Variants in ALPK1 observed in about 807,000 individuals in gnomAD.
The protein encoded by ALPK1 is alpha-protein kinase 1.
ALPK1 carries 110 observed loss-of-function variants against 120.6 expected under a neutral mutation model. That is an observed-to-expected ratio of 0.91 (90% confidence interval 0.78 to 1.07). The LOEUF is 1.07. ALPK1 is among the 50% of genes least tolerant of loss of function. The pLI, the probability that ALPK1 is intolerant of heterozygous loss-of-function variation, is 0.00. For missense variants in ALPK1, 1,498 were observed against 1,483.9 expected, an observed-to-expected ratio of 1.01 and a Z score of -0.16; for synonymous variants, 582 against 560.3, an observed-to-expected ratio of 1.04 and a Z score of -0.55.
At chr4:112,374,013 G>A (rs1731537486) in intron 2 of ALPK1, among the ~76,000 whole-genome samples, 1 of 152,172 alleles carries the variant, frequency 6.6e-6, no homozygotes, top group East Asian at 1.9e-4. Flanking sequence ...AGTGGCTGTG[G>A]CAATTTCTTA....
At chr4:112,298,338 T>C (rs1336124327) in intron 1 of ALPK1, among the ~76,000 whole-genome samples, 1 of 152,066 alleles carries the variant, frequency 6.6e-6, no homozygotes, top group East Asian at 1.9e-4. Context: ...ACAATATCCA[T>C]TTAATTTGGG....
intron 4 of ALPK1, among the ~76,000 whole-genome samples, chr4:112,404,025 C>T (rs1056831962): frequency 2.0e-5 from 3 of 152,258 alleles, no homozygotes; most frequent in Non-Finnish European, 4.4e-5. Flanking sequence ...TTAGAAGGCC[C>T]CCTTTCAAGA....
chr4:112,437,261 T>G (rs955257680), intron 12 of ALPK1, among the ~76,000 whole-genome samples: 2 of 147,374 alleles, frequency 1.4e-5, no homozygotes, highest in African/African-American at 4.9e-5. Flanking sequence ...TTAGTGCAAC[T>G]CTCTTTTATG....
intron 2 of ALPK1, among the ~76,000 whole-genome samples, chr4:112,366,140 G>A (rs901574867): frequency 6.6e-6 from 1 of 152,036 alleles, no homozygotes; most frequent in African/African-American, 2.4e-5. Flanking sequence ...ACTAGACATT[G>A]GCTCAGGCAA....
intron 2 of ALPK1, among the ~76,000 whole-genome samples, chr4:112,350,093 T>C (rs1256181889): frequency 6.6e-6 from 1 of 152,192 alleles, no homozygotes; most frequent in Non-Finnish European, 1.5e-5. Flanking sequence ...TTATTGATAA[T>C]CAAGACAGTG....
Position 112,435,259 on chromosome 4 carries a change from C to G in ALPK1, c.3146C>G (p.Ala1049Gly). The change falls in exon 12 of 16, where the codon GCT becomes GGT. Residue 1049 changes from alanine (A) to glycine (G), a missense_variant. Coordinates refer to ENST00000650871, the MANE Select transcript of ALPK1 (RefSeq NM_025144.4). ...TVKKKGRQRN[A>G]FWVHHLHQEE... is the part of the protein sequence containing the mutation. Reference sequence around the variant, plus strand: ...AAGAAAAAAGGCAGACAAAGAAATGCTTTTTGGGTTCATCATCTTCATCAA... The same window carrying G: ...AAGAAAAAAGGCAGACAAAGAAATGGTTTTTGGGTTCATCATCTTCATCAA... The G allele has an allele frequency of 6.2e-7, 1 of 1,612,628 alleles. No individual in the cohort carries two copies. The highest frequency in any genetic ancestry group is 8.5e-7 in the Non-Finnish European group (1 of 1,179,622).
At chr4:112,402,561 A>G (rs746754767) in intron 4 of ALPK1, among the ~76,000 whole-genome samples, 1 of 152,208 alleles carries the variant, frequency 6.6e-6, no homozygotes, top group Non-Finnish European at 1.5e-5. Flanking sequence ...CCTTAAACAC[A>G]ATTAGAACCC....
At chr4:112,428,312 C>G (rs555130933) in intron 9 of ALPK1, among the ~76,000 whole-genome samples, 3 of 152,328 alleles carry the variant, frequency 2.0e-5, no homozygotes, top group African/African-American at 7.2e-5. Flanking sequence ...CAAGGATGTT[C>G]TGCTGCTCTT....
chr4:112,334,572 G>A (rs148046886), intron 2 of ALPK1, among the ~76,000 whole-genome samples: 2,754 of 152,252 alleles, frequency 0.018, 49 homozygotes, highest in Middle Eastern at 0.034. Context: ...ATACTATGGG[G>A]ATATCAAATT....
Position 112,431,277 on chromosome 4 carries a change from G to A in ALPK1, c.1730G>A (p.Ser577Asn). Residue 577 changes from serine to asparagine, a missense_variant, in exon 11 of 16, where the codon AGC becomes AAC. Coordinates refer to ENST00000650871, the MANE Select transcript of ALPK1 (RefSeq NM_025144.4). ...GTTTTCAACAAGTCTCTGAGTGGCA[G>A]CCAGACTTCCAGTGCTTGGAGCAAC... ...GAVFNKSLSGSQTSSAWSNLS... is the reference protein window; with the variant it reads ...GAVFNKSLSGNQTSSAWSNLS... 6.2e-7 allele frequency: 1 copy of A among 1,614,194 alleles called. No individual in the cohort carries two copies. The highest frequency in any genetic ancestry group is 8.5e-7 in the Non-Finnish European group (1 of 1,180,030).
At chr4:112,351,700 C>T (rs1730364658) in intron 2 of ALPK1, among the ~76,000 whole-genome samples, 1 of 152,154 alleles carries the variant, frequency 6.6e-6, no homozygotes, top group Non-Finnish European at 1.5e-5. Context: ...TCTCGAACTT[C>T]TGACCTCAGG....
At chr4:112,352,227 A>G (rs1432201895) in intron 2 of ALPK1, among the ~76,000 whole-genome samples, 3 of 152,266 alleles carry the variant, frequency 2.0e-5, no homozygotes, top group African/African-American at 7.2e-5. Context: ...TGTGATATAC[A>G]TGGAACATGA....
chr4:112,347,802 G>T (rs1730163968), intron 2 of ALPK1, among the ~76,000 whole-genome samples: 1 of 152,216 alleles, frequency 6.6e-6, no homozygotes, highest in Non-Finnish European at 1.5e-5. Context: ...TTTAAGGAAA[G>T]AGCAGGAAGC....
intron 2 of ALPK1, among the ~76,000 whole-genome samples, chr4:112,345,463 T>C (rs1394327741): frequency 1.3e-5 from 2 of 152,134 alleles, no homozygotes; most frequent in African/African-American, 2.4e-5. Flanking sequence ...AATTACAGAA[T>C]TGGATAAAGC....
chr4:112,427,716 C>T (rs1560683901), intron 9 of ALPK1, 51 bp downstream of exon 9: 1 of 1,361,062 alleles, frequency 7.3e-7, no homozygotes, highest in Admixed American at 1.7e-5. Context: ...TCAATCGTGT[C>T]CTTGGTGGTT....
At chr4:112,359,177 C>A in intron 2 of ALPK1, 1 of 622,894 alleles carries the variant, frequency 1.6e-6, no homozygotes, top group Non-Finnish European at 3.0e-6. Flanking sequence ...CCCACCTGTC[C>A]CCCAGGCCAC....
chr4:112,431,028 A>G lies in ALPK1; in HGVS notation c.1481A>G (p.Lys494Arg). Residue 494 changes from lysine (K) to arginine (R), a missense_variant, in exon 11 of 16, where the codon AAA becomes AGA. Lys to Arg is a conservative substitution (Grantham distance 26, BLOSUM62 2). Transcript: ENST00000650871. ...AKTGVCITAL[K>R]TEIKNIDTVS... ...ACAGGAGTCTGCATCACTGCTCTAAAAACAGAAATAAAAAACATAGATACT... is the reference window on the plus strand; with the variant it reads ...ACAGGAGTCTGCATCACTGCTCTAAGAACAGAAATAAAAAACATAGATACT... 1 of 1,613,342 alleles carries G rather than the reference A, an allele frequency of 6.2e-7. No homozygotes were observed. The highest frequency in any genetic ancestry group is 8.5e-7 in the Non-Finnish European group (1 of 1,179,822).
At chr4:112,414,066 G>T (rs1334902081) in intron 5 of ALPK1, among the ~76,000 whole-genome samples, 4 of 152,234 alleles carry the variant, frequency 2.6e-5, no homozygotes, top group Non-Finnish European at 4.4e-5. Context: ...GGGACTGAGA[G>T]CAGGGATGGC....
At chr4:112,335,188 G>A (rs6827502) in intron 2 of ALPK1, among the ~76,000 whole-genome samples, 8,239 of 151,854 alleles carry the variant, frequency 0.054, 348 homozygotes, top group African/African-American at 0.11. Flanking sequence ...TCCGGCAGGC[G>A]GAGGTTGCGG....
Sources: gnomAD v4.1 joint callset for allele counts (sites outside exome capture counted in the v4.1 genomes callset) on GRCh38, gnomAD v4.1.1 for gene constraint, MANE v1.5 for transcripts, NCBI Gene and HGNC (gene_info 2026-07-23, HGNC 2026-07-21) for gene names.